Variants in CSMD3 observed in about 807,000 individuals in gnomAD.
The protein encoded by CSMD3 is CUB and sushi domain-containing protein 3.
CSMD3 carries 177 observed loss-of-function variants against 435.2 expected under a neutral mutation model. The observed-to-expected ratio is 0.41, with a 90% CI of 0.36 to 0.46. CSMD3 has a LOEUF of 0.46. Among genes scored for constraint, CSMD3 ranks in the 20% least tolerant of loss-of-function variants. The pLI, the probability that CSMD3 is intolerant of heterozygous loss-of-function variation, is 0.34. For missense variants in CSMD3, 4,265 were observed against 4,504.6 expected, an observed-to-expected ratio of 0.95 and a Z score of 1.52; for synonymous variants, 1,656 against 1,520.5, an observed-to-expected ratio of 1.09 and a Z score of -2.07.
At chr8:113,040,077 C>G (rs1255389252) in intron 5 of CSMD3, among the ~76,000 whole-genome samples, 1 of 152,014 alleles carries the variant, frequency 6.6e-6, no homozygotes, top group East Asian at 1.9e-4. Flanking sequence ...GTGGGTGGTA[C>G]AGAGAGATAT....
intron 4 of CSMD3, among the ~76,000 whole-genome samples, chr8:113,121,607 C>T (rs2090988414): frequency 6.6e-6 from 1 of 151,952 alleles, no homozygotes; most frequent in South Asian, 2.1e-4. Context: ...TGAAAATTTC[C>T]AAACTGAGCA....
intron 3 of CSMD3, among the ~76,000 whole-genome samples, chr8:113,177,040 TAC>T (rs1261156754): frequency 6.6e-6 from 1 of 151,472 alleles, no homozygotes; most frequent in Non-Finnish European, 1.5e-5. Flanking sequence ...TACATAAAAT[TAC>T]AGATTTTATA....
intron 4 of CSMD3, among the ~76,000 whole-genome samples, chr8:113,123,513 A>G (rs1469177919): frequency 6.6e-6 from 1 of 152,080 alleles, no homozygotes; most frequent in East Asian, 1.9e-4. Context: ...ATGTAATTTC[A>G]CATGCATTCT....
intron 32 of CSMD3, among the ~76,000 whole-genome samples, chr8:112,435,697 G>A (rs1814249893): frequency 6.6e-6 from 1 of 151,962 alleles, no homozygotes; most frequent in Non-Finnish European, 1.5e-5. Context: ...CAAAAACACA[G>A]ATGGGGCACA....
chr8:112,550,659 GA>G lies in CSMD3; in HGVS notation c.4564+11del. 2 of 1,528,562 alleles carry G rather than the reference GA, an allele frequency of 1.3e-6. No homozygotes were observed. The highest frequency in any genetic ancestry group is 9.1e-7 in the Non-Finnish European group (1 of 1,103,694). 94.7% of individuals were successfully genotyped at this position (1,528,562 alleles called of 1,614,324 possible). A position where few individuals can be genotyped will look rare whatever the true frequency, so the allele number is the denominator to read the frequency against. ...CTATTTTGCATTGAAGAAATTTTTTGAAAAAACTTACTTGAAAACTGAATTG... is the reference window on the plus strand; with the variant it reads ...CTATTTTGCATTGAAGAAATTTTTTGAAAAACTTACTTGAAAACTGAATTG... On this transcript the variant is annotated intron_variant, in intron 27 of 70. Transcript: ENST00000297405.
chr8:112,828,079 A>G (rs1473611331), intron 12 of CSMD3, among the ~76,000 whole-genome samples: 1 of 152,234 alleles, frequency 6.6e-6, no homozygotes, highest in South Asian at 2.1e-4. Flanking sequence ...TGTAAAATAT[A>G]TGCAATTTTA....
chr8:112,981,199 C>T lies in CSMD3; in HGVS notation c.1031-5051G>A, dbSNP rs572839580. On this transcript the variant is annotated intron_variant, in intron 6 of 70. Coordinates refer to ENST00000297405, the MANE Select transcript of CSMD3 (RefSeq NM_198123.2). ...ATAGCCTTGATTATAAGAGGCATATCTAAGAAAAAAACTGCAGCAATTAAA... is the reference window on the plus strand; with the variant it reads ...ATAGCCTTGATTATAAGAGGCATATTTAAGAAAAAAACTGCAGCAATTAAA... Among the ~76,000 whole-genome samples the T allele has an allele frequency of 4.0e-5, 6 of 151,122 alleles. No homozygotes were observed. In the South Asian group the frequency reaches 1.2e-3, roughly 31 times the overall value.
At chr8:112,608,621 T>G (rs1239589499) in intron 22 of CSMD3, among the ~76,000 whole-genome samples, 1 of 151,940 alleles carries the variant, frequency 6.6e-6, no homozygotes, top group African/African-American at 2.4e-5. Context: ...CACACACGTA[T>G]GTGTTTTTAT....
intron 2 of CSMD3, among the ~76,000 whole-genome samples, chr8:113,292,282 T>C (rs2093691780): frequency 6.6e-6 from 1 of 151,742 alleles, no homozygotes; most frequent in African/African-American, 2.4e-5. Context: ...GAGAGAATAT[T>C]GGCAAGCATA....
intron 1 of CSMD3, among the ~76,000 whole-genome samples, chr8:113,342,712 T>C (rs540548061): frequency 2.0e-5 from 3 of 152,130 alleles, no homozygotes; most frequent in African/African-American, 4.8e-5. Flanking sequence ...CCTTGGCAAA[T>C]ACTTTGGGCT....
intron 32 of CSMD3, among the ~76,000 whole-genome samples, chr8:112,421,314 GGGA>G (rs1289189203): frequency 6.6e-6 from 1 of 151,830 alleles, no homozygotes; most frequent in Non-Finnish European, 1.5e-5. Flanking sequence ...AGGCCTAGGT[GGGA>G]GGATCACTTT....
intron 36 of CSMD3, among the ~76,000 whole-genome samples, chr8:112,386,614 C>T (rs1829983799): frequency 6.6e-6 from 1 of 152,112 alleles, no homozygotes. Context: ...TCTCCTGCCT[C>T]AGCCTCCCGA....
chr8:112,827,821 G>T (rs1220402605), intron 12 of CSMD3, among the ~76,000 whole-genome samples: 1 of 152,162 alleles, frequency 6.6e-6, no homozygotes, highest in East Asian at 1.9e-4. Flanking sequence ...ATGATAGAGG[G>T]ATTAGGGCCA....
chr8:112,234,526 T>C (rs1563667253), intron 67 of CSMD3, 49 bp from the exon 68 acceptor site: 4 of 956,214 alleles, frequency 4.2e-6, no homozygotes, highest in Non-Finnish European at 6.9e-6. Flanking sequence ...TAAATAGTTA[T>C]ACTTCATTTT....
chr8:112,639,639 T>C (rs955455894), intron 20 of CSMD3, among the ~76,000 whole-genome samples: 1 of 152,292 alleles, frequency 6.6e-6, no homozygotes, highest in South Asian at 2.1e-4. Flanking sequence ...CTAATGTTGC[T>C]GCTTTGTATA....
chr8:112,899,866 C>T (rs1468907056), intron 10 of CSMD3, among the ~76,000 whole-genome samples: 1 of 148,550 alleles, frequency 6.7e-6, no homozygotes, highest in Non-Finnish European at 1.5e-5. Context: ...GAGAGAGAGA[C>T]TTATATATAT....
chr8:112,525,422 A>T (rs980261897), intron 27 of CSMD3, among the ~76,000 whole-genome samples: 1 of 150,362 alleles, frequency 6.7e-6, no homozygotes. Context: ...TAATCCAATT[A>T]AAAATAACTA....
chr8:113,366,721 A>G (rs2094314113), intron 1 of CSMD3, among the ~76,000 whole-genome samples: 1 of 152,066 alleles, frequency 6.6e-6, no homozygotes, highest in Non-Finnish European at 1.5e-5. Context: ...CAGTTTGCTC[A>G]TTTACATGAT....
intron 22 of CSMD3, among the ~76,000 whole-genome samples, chr8:112,594,203 T>C (rs1452920173): frequency 6.6e-6 from 1 of 152,134 alleles, no homozygotes; most frequent in East Asian, 1.9e-4. Flanking sequence ...TTGCCTCACT[T>C]GGGAAGCCCA....
Sources: allele counts gnomAD v4.1 joint callset (sites outside exome capture counted in the v4.1 genomes callset), GRCh38; gene constraint gnomAD v4.1.1; transcripts MANE v1.5; gene names NCBI Gene and HGNC (gene_info 2026-07-23, HGNC 2026-07-21).